RGS7: variants seen among roughly 807,000 people sequenced by gnomAD.
RGS7 encodes the protein regulator of G protein signaling 7, also known as regulator of G-protein signaling 7.
Under a neutral mutation model 81.1 loss-of-function variants are expected in RGS7, and 27 were observed. The ratio of observed to expected loss-of-function variants is 0.33; its 90% confidence interval spans 0.25 to 0.46. The LOEUF (loss-of-function observed/expected upper bound fraction) is 0.46, where lower values mean the gene tolerates loss of function less well. Among genes scored for constraint, RGS7 ranks in the 20% least tolerant of loss-of-function variants. The probability of loss-of-function intolerance (pLI) is 1.00; values close to 1 mark genes in which losing one functional copy is unlikely to be tolerated. For synonymous variants in RGS7, 208 were observed against 207.7 expected (o/e 1.00, Z -0.01); for missense variants, 396 against 607.4 (o/e 0.65, Z 3.66).
intron 3 of RGS7, among the ~76,000 whole-genome samples, chr1:241,088,329 G>T (rs2063602080): frequency 6.6e-6 from 1 of 151,854 alleles, no homozygotes; most frequent in Admixed American, 6.6e-5. Context: ...AAGAGGATCA[G>T]AACACGCCAC....
intron 2 of RGS7, among the ~76,000 whole-genome samples, chr1:241,100,211 T>C (rs1294755819): frequency 6.7e-6 from 1 of 149,132 alleles, no homozygotes; most frequent in Non-Finnish European, 1.5e-5. Context: ...CCATCTCTAC[T>C]AAAAATACAA....
At chr1:240,928,604 ATTT>A (rs769378768) in intron 6 of RGS7, among the ~76,000 whole-genome samples, 9 of 134,920 alleles carry the variant, frequency 6.7e-5, no homozygotes, top group Non-Finnish European at 6.4e-5. Context: ...TTTCTTTATA[ATTT>A]TTTTTTTTTT....
intron 2 of RGS7, among the ~76,000 whole-genome samples, chr1:241,247,385 T>G (rs1036611789): frequency 6.6e-6 from 1 of 152,118 alleles, no homozygotes; most frequent in Admixed American, 6.6e-5. Context: ...AGTAGTTCTG[T>G]GTATGTAAAT....
At position 241,117,780 on chromosome 1, in the gene RGS7, A is replaced by C. The variant is rs1383771660; in HGVS notation, c.79-19018T>G. On this transcript the variant is annotated intron_variant, in intron 2 of 18. Coordinates refer to ENST00000440928, the MANE Select transcript of RGS7 (RefSeq NM_001364886.1). ...AATATATTTCTTATCGGATTAATCT[A>C]AGATCAGTGTGGAGAAGCCAACAGA... Among the ~76,000 whole-genome samples, 2 of 152,188 alleles carry C rather than the reference A, an allele frequency of 1.3e-5. 1 individual carries two copies. Among genetic ancestry groups the C allele is most frequent in the Non-Finnish European group, 2.9e-5 (2 of 68,028 alleles).
intron 6 of RGS7, among the ~76,000 whole-genome samples, chr1:240,917,274 A>T (rs1672762304): frequency 6.6e-6 from 1 of 152,204 alleles, no homozygotes; most frequent in African/African-American, 2.4e-5. Flanking sequence ...CTTCAGAAAA[A>T]GGGAGAATGA....
At chr1:241,142,677 C>A (rs1183004364) in intron 2 of RGS7, among the ~76,000 whole-genome samples, 1 of 152,202 alleles carries the variant, frequency 6.6e-6, no homozygotes, top group Non-Finnish European at 1.5e-5. Context: ...GGCCTCCAGG[C>A]CTGTGATGGG....
chr1:240,793,611 A>ATATATATATATATATATATATTTTTTT, intron 18 of RGS7, among the ~76,000 whole-genome samples: 2 of 78,800 alleles, frequency 2.5e-5, no homozygotes, highest in African/African-American at 9.7e-5. Flanking sequence ...ATATATATAT[A>ATATATATATATATATATATATTTTTTT]TTTTTTTTTT....
chr1:241,040,821 C>T (rs4660025), intron 3 of RGS7, among the ~76,000 whole-genome samples: 20,496 of 152,046 alleles, frequency 0.13, 1,847 homozygotes, highest in Non-Finnish European at 0.19. Context: ...AACAAACAAA[C>T]GAAAAGCTTT....
At chr1:240,995,708 C>CTTTTTTTTTTTTTTTT (rs71172669) in intron 3 of RGS7, among the ~76,000 whole-genome samples, 1 of 139,804 alleles carries the variant, frequency 7.2e-6, no homozygotes. Context: ...TGTGTCTTTT[C>CTTTTTTTTTTTTTTTT]TTTTTTTTTT....
At chr1:241,229,182 A>G (rs1398217358) in intron 2 of RGS7, among the ~76,000 whole-genome samples, 2 of 152,184 alleles carry the variant, frequency 1.3e-5, no homozygotes, top group Non-Finnish European at 2.9e-5. Flanking sequence ...TGCTTCCCTC[A>G]TTCCAACTTT....
chr1:240,936,979 C>A (rs1040253338), intron 4 of RGS7, among the ~76,000 whole-genome samples: 5 of 152,174 alleles, frequency 3.3e-5, no homozygotes, highest in Non-Finnish European at 7.3e-5. Context: ...CTCCTGGCTA[C>A]CCATTCTGTA....
At chr1:241,352,103 G>C (rs1229529963) in intron 2 of RGS7, among the ~76,000 whole-genome samples, 1 of 152,106 alleles carries the variant, frequency 6.6e-6, no homozygotes, top group Non-Finnish European at 1.5e-5. Context: ...TGTTCTTTAC[G>C]GCCAGTGCTG....
chr1:241,048,646 G>A (rs1357270975), intron 3 of RGS7, among the ~76,000 whole-genome samples: 1 of 152,194 alleles, frequency 6.6e-6, no homozygotes, highest in African/African-American at 2.4e-5. Flanking sequence ...AAGAAGCCCA[G>A]GGAAAATACT....
At chr1:240,934,384 G>A (rs1236871135) in intron 5 of RGS7, among the ~76,000 whole-genome samples, 1 of 152,188 alleles carries the variant, frequency 6.6e-6, no homozygotes, top group African/African-American at 2.4e-5. Context: ...TTTCACTTCG[G>A]TGTAATAAAG....
chr1:240,920,451 A>C (rs902952493), intron 6 of RGS7: 1 of 1,107,938 alleles, frequency 9.0e-7, no homozygotes, highest in African/African-American at 1.5e-5. Context: ...CAATTACAAC[A>C]ATCAATCTTC....
chr1:241,060,148 A>G (rs1025079658), intron 3 of RGS7, among the ~76,000 whole-genome samples: 1 of 152,180 alleles, frequency 6.6e-6, no homozygotes, highest in African/African-American at 2.4e-5. Context: ...GGAAATCTGT[A>G]GTTTAATTAA....
chr1:241,210,333 A>G (rs2074173766), intron 2 of RGS7, among the ~76,000 whole-genome samples: 1 of 152,138 alleles, frequency 6.6e-6, no homozygotes, highest in African/African-American at 2.4e-5. Context: ...TATTTTTAGT[A>G]GAGATGGGGT....
At chr1:241,211,463 C>T (rs1453400947) in intron 2 of RGS7, among the ~76,000 whole-genome samples, 2 of 152,158 alleles carry the variant, frequency 1.3e-5, no homozygotes, top group Non-Finnish European at 2.9e-5. Context: ...GTCACCGTAG[C>T]TGGAGTAGTG....
rs2070069178 is a variant in RGS7 at position 241,164,969 on chromosome 1, CAT to C, written c.79-66209_79-66208del. Among the ~76,000 whole-genome samples the C allele has an allele frequency of 6.6e-6, 1 of 152,174 alleles. No individual in the cohort carries two copies. Among genetic ancestry groups the C allele is most frequent in the Non-Finnish European group, 1.5e-5 (1 of 68,026 alleles). ...CATTCACATGCTGTCATATCCATCA[CAT>C]TTCCAACTCATTCCAAGCAAATCCT... is the stretch of plus-strand genomic sequence containing the variant. On this transcript the variant is annotated intron_variant, in intron 2 of 18. Coordinates refer to ENST00000440928, the MANE Select transcript of RGS7 (RefSeq NM_001364886.1). This position sits in a 1 kb window ranked among gnomAD's most constrained non-coding sequence, Gnocchi z 4.1.
Sources: gnomAD v4.1 joint callset for allele counts (sites outside exome capture counted in the v4.1 genomes callset) on GRCh38, gnomAD v4.1.1 for gene constraint, Gnocchi (gnomAD v3.1) non-coding constraint, MANE v1.5 for transcripts, NCBI Gene and HGNC (gene_info 2026-07-23, HGNC 2026-07-21) for gene names.